Variants in TRPM3 observed in about 807,000 individuals in gnomAD.
TRPM3 encodes the protein long transient receptor potential channel 3.
In TRPM3, 77 loss-of-function variants were observed where a neutral mutation model predicts 181.2. That is an observed-to-expected ratio of 0.42 (90% CI 0.35 to 0.51). The LOEUF (loss-of-function observed/expected upper bound fraction) is 0.51. Among genes scored for constraint, TRPM3 ranks in the 20% least tolerant of loss-of-function variants. The pLI, the probability that TRPM3 is intolerant of heterozygous loss-of-function variation, is 0.01. For missense variants in TRPM3, 1,759 were observed against 2,196.7 expected (o/e 0.80, Z 3.98); for synonymous variants, 745 against 796.4 (o/e 0.94, Z 1.09).
At chr9:71,145,486 C>T (rs1313552452) in intron 1 of TRPM3, among the ~76,000 whole-genome samples, 3 of 152,114 alleles carry the variant, frequency 2.0e-5, no homozygotes, top group African/African-American at 7.2e-5. Flanking sequence ...CTCAAGAGTG[C>T]TCTGAAAGTC....
chr9:71,380,251 C>T (rs1345309526), intron 1 of TRPM3, among the ~76,000 whole-genome samples: 2 of 151,632 alleles, frequency 1.3e-5, no homozygotes, highest in East Asian at 3.9e-4. Flanking sequence ...AAGTCATGGG[C>T]CATTCCAGTC....
chr9:70,688,378 G>A (rs907346752), intron 8 of TRPM3, among the ~76,000 whole-genome samples: 1 of 152,114 alleles, frequency 6.6e-6, no homozygotes, highest in East Asian at 1.9e-4. Flanking sequence ...GGTGATTTCT[G>A]AGATTTTAGT....
At chr9:70,541,333 T>C (rs2043292535) in intron 25 of TRPM3, among the ~76,000 whole-genome samples, 1 of 152,144 alleles carries the variant, frequency 6.6e-6, no homozygotes, top group South Asian at 2.1e-4. Flanking sequence ...ATGGACTGTT[T>C]TCTCCATTTT....
chr9:71,226,332 A>G (rs2080648871), intron 1 of TRPM3, among the ~76,000 whole-genome samples: 1 of 152,176 alleles, frequency 6.6e-6, no homozygotes, highest in South Asian at 2.1e-4. Flanking sequence ...GTCTCTATTC[A>G]TCAATAATAA....
chr9:71,191,266 T>C (rs182624919), intron 1 of TRPM3, among the ~76,000 whole-genome samples: 4 of 152,000 alleles, frequency 2.6e-5, no homozygotes, highest in Admixed American at 6.6e-5. Context: ...GGGTACATAG[T>C]AGACACTGTA....
At chr9:70,653,723 A>G (rs1477714035) in intron 9 of TRPM3, among the ~76,000 whole-genome samples, 3 of 149,088 alleles carry the variant, frequency 2.0e-5, no homozygotes, top group African/African-American at 7.4e-5. Flanking sequence ...ATGTTCTTTC[A>G]TTTACTTTTC....
At chr9:70,961,802 A>G (rs1307460754) in intron 1 of TRPM3, among the ~76,000 whole-genome samples, 1 of 152,132 alleles carries the variant, frequency 6.6e-6, no homozygotes, top group Non-Finnish European at 1.5e-5. Flanking sequence ...TGGTATTTAT[A>G]AGTTTGGTTT....
intron 1 of TRPM3, among the ~76,000 whole-genome samples, chr9:71,190,888 A>G (rs2077979297): frequency 6.6e-6 from 1 of 151,858 alleles, no homozygotes; most frequent in South Asian, 2.1e-4. Context: ...AAGGCCATTC[A>G]CAGGTTCCCT....
intron 1 of TRPM3, among the ~76,000 whole-genome samples, chr9:70,883,783 A>G (rs2096038659): frequency 6.6e-6 from 1 of 152,250 alleles, no homozygotes; most frequent in African/African-American, 2.4e-5. Context: ...AGACTTGCTC[A>G]AGTTCACACC....
intron 1 of TRPM3, among the ~76,000 whole-genome samples, chr9:71,444,900 C>T (rs2094183371): frequency 6.6e-6 from 1 of 152,206 alleles, no homozygotes; most frequent in Non-Finnish European, 1.5e-5. Context: ...AAATCAATAT[C>T]AAACTTGCCA....
intron 1 of TRPM3, among the ~76,000 whole-genome samples, chr9:71,155,489 T>TTATTTTATTTTATTTTATTTTATTC (rs2075952359): frequency 7.6e-6 from 1 of 131,300 alleles, no homozygotes; most frequent in African/African-American, 2.6e-5. Context: ...TATTTTTATT[T>TTATTTTATTTTATTTTATTTTATTC]TATTTTATTT....
intron 1 of TRPM3, among the ~76,000 whole-genome samples, chr9:71,338,976 T>A (rs185278326): frequency 1.3e-5 from 2 of 152,278 alleles, no homozygotes; most frequent in East Asian, 3.9e-4. Flanking sequence ...TACCCAGGAA[T>A]GGCTAGAGAA....
At chr9:70,764,681 C>G (rs1417255778) in intron 7 of TRPM3, among the ~76,000 whole-genome samples, 2 of 152,142 alleles carry the variant, frequency 1.3e-5, no homozygotes, top group African/African-American at 4.8e-5. Flanking sequence ...GAAGGATTCT[C>G]TAAGGTGTTT....
chr9:71,274,672 A>T (rs758595755), intron 1 of TRPM3, among the ~76,000 whole-genome samples: 3 of 152,228 alleles, frequency 2.0e-5, no homozygotes, highest in Non-Finnish European at 2.9e-5. Context: ...CTGCACTAAA[A>T]TAAGTGTCAT....
At chr9:71,243,154 A>C (rs145774511) in intron 1 of TRPM3, among the ~76,000 whole-genome samples, 28 of 152,174 alleles carry the variant, frequency 1.8e-4, no homozygotes, top group African/African-American at 5.1e-4. Context: ...TGATTCTCCT[A>C]TCTCAGCCTC....
intron 1 of TRPM3, among the ~76,000 whole-genome samples, chr9:70,939,595 G>C (rs1324596992): frequency 6.6e-6 from 1 of 152,172 alleles, no homozygotes; most frequent in Admixed American, 6.5e-5. Context: ...GGTTGATTTT[G>C]CAAGTGAAAG....
At chr9:71,269,708 G>C (rs1272247766) in intron 1 of TRPM3, among the ~76,000 whole-genome samples, 1 of 152,166 alleles carries the variant, frequency 6.6e-6, no homozygotes, top group African/African-American at 2.4e-5. Flanking sequence ...CACCTCAGCA[G>C]GAATGTAACT....
chr9:71,254,844 G>T (rs1314761955), intron 1 of TRPM3, among the ~76,000 whole-genome samples: 6 of 151,704 alleles, frequency 4.0e-5, no homozygotes, highest in Non-Finnish European at 1.5e-5. Flanking sequence ...AAAGAAGGTG[G>T]AATAAAAAAA....
intron 1 of TRPM3, among the ~76,000 whole-genome samples, chr9:71,296,238 A>C (rs2086248502): frequency 2.6e-5 from 4 of 152,150 alleles, no homozygotes; most frequent in Admixed American, 2.0e-4. Flanking sequence ...AAATGAAAAT[A>C]AGAGATTATT....
Sources: allele counts gnomAD v4.1 joint callset (sites outside exome capture counted in the v4.1 genomes callset), GRCh38; gene constraint gnomAD v4.1.1; transcripts MANE v1.5; gene names NCBI Gene and HGNC (gene_info 2026-07-23, HGNC 2026-07-21).